RARB: variants seen among roughly 807,000 people sequenced by gnomAD.
RARB encodes HBV-activated protein.
RARB carries 17 observed loss-of-function variants against 51.9 expected under a neutral mutation model. That is an observed-to-expected ratio of 0.33 (90% CI 0.22 to 0.49). The LOEUF is 0.49. Among genes scored for constraint, RARB ranks in the 20% least tolerant of loss-of-function variants. The pLI, the probability that RARB is intolerant of heterozygous loss-of-function variation, is 0.99. For synonymous variants in RARB, 215 were observed against 195.4 expected (o/e 1.10, Z -0.84); for missense variants, 369 against 550.8 (o/e 0.67, Z 3.30).
intron 2 of RARB, among the ~76,000 whole-genome samples, chr3:24,955,049 G>A (rs2125407899): frequency 1.3e-5 from 2 of 152,278 alleles, no homozygotes; most frequent in African/African-American, 4.8e-5. Flanking sequence ...TGCCCTCTTG[G>A]TACCCAGGTT....
At chr3:25,013,517 C>T (rs939357557) in intron 2 of RARB, among the ~76,000 whole-genome samples, 1 of 152,084 alleles carries the variant, frequency 6.6e-6, no homozygotes, top group African/African-American at 2.4e-5. Context: ...TGAAGACTGA[C>T]CCTCATGCTT....
At chr3:25,032,227 A>C (rs998090250) in intron 2 of RARB, among the ~76,000 whole-genome samples, 3 of 152,232 alleles carry the variant, frequency 2.0e-5, no homozygotes, top group African/African-American at 7.2e-5. Context: ...ATCCGCAATC[A>C]GTGAGCTGTC....
At position 25,330,117 on chromosome 3, in the gene RARB, C is replaced by T. The variant is rs187322566; in HGVS notation, c.179-131076C>T. ...CAGGATATTAATGAGAAGAGCTTCC[C>T]CAAGCCAGCAAGACAGGCCAACATT... is the stretch of plus-strand genomic sequence containing the variant. On this transcript the variant is annotated intron_variant, in intron 5 of 11. Transcript: ENST00000383772. 2.2e-3 allele frequency among the ~76,000 whole-genome samples: 329 copies of T among 152,126 alleles called. 1 individual carries two copies. The Middle Eastern group carries it at 0.034, about 16-fold the overall frequency.
intron 3 of RARB, among the ~76,000 whole-genome samples, chr3:25,073,338 A>G (rs1698808531): frequency 6.6e-6 from 1 of 152,200 alleles, no homozygotes; most frequent in Non-Finnish European, 1.5e-5. Context: ...TGATCCCTCA[A>G]TTTTAAAACA....
At chr3:25,135,197 T>C (rs1332770803) in intron 4 of RARB, among the ~76,000 whole-genome samples, 1 of 151,916 alleles carries the variant, frequency 6.6e-6, no homozygotes, top group African/African-American at 2.4e-5. Context: ...GGTGTGGCTA[T>C]TGAGCGCTCA....
chr3:25,596,845 A>G lies in RARB; in HGVS notation c.*229A>G. 2.6e-6 allele frequency: 1 copy of G among 385,670 alleles called. No homozygotes were observed. Among genetic ancestry groups the G allele is most frequent in the Non-Finnish European group, 4.6e-6 (1 of 215,778 alleles). 23.9% of individuals were successfully genotyped at this position (385,670 alleles called of 1,614,324 possible). ...AAAATCAGCCATTTCATGCAACCAGAAACTAGTTAAAAGCTTCTATTTTCC... is the reference window on the plus strand; with the variant it reads ...AAAATCAGCCATTTCATGCAACCAGGAACTAGTTAAAAGCTTCTATTTTCC... On this transcript the variant is annotated 3_prime_UTR_variant, in exon 8 of 8. Transcript: ENST00000330688.
chr3:25,397,406 G>A (rs891096122), intron 5 of RARB, among the ~76,000 whole-genome samples: 4 of 152,180 alleles, frequency 2.6e-5, no homozygotes, highest in African/African-American at 9.7e-5. Context: ...AGAGTTTACA[G>A]TGGCAAGCCA....
intron 3 of RARB, among the ~76,000 whole-genome samples, chr3:25,126,307 C>G (rs1699858532): frequency 6.6e-6 from 1 of 152,044 alleles, no homozygotes. Context: ...TTTCCATTCT[C>G]TTGTGTGCAA....
chr3:25,560,231 G>A (rs1041828411), intron 3 of RARB, among the ~76,000 whole-genome samples: 1 of 152,122 alleles, frequency 6.6e-6, no homozygotes, highest in African/African-American at 2.4e-5. Flanking sequence ...ATATAGACTG[G>A]CGTAAACCAT....
intron 2 of RARB, among the ~76,000 whole-genome samples, chr3:24,933,758 A>C (rs930998840): frequency 3.3e-5 from 5 of 152,138 alleles, no homozygotes; most frequent in African/African-American, 1.2e-4. Context: ...ATATCAACAA[A>C]TAGACTTTTT....
intron 5 of RARB, among the ~76,000 whole-genome samples, chr3:25,590,575 C>T (rs1170726660): frequency 6.6e-6 from 1 of 152,130 alleles, no homozygotes; most frequent in Non-Finnish European, 1.5e-5. Flanking sequence ...GGCTGAAGTG[C>T]AGTGGCGTGA....
At chr3:25,539,738 C>A (rs1190317049) in intron 3 of RARB, among the ~76,000 whole-genome samples, 1 of 151,968 alleles carries the variant, frequency 6.6e-6, no homozygotes, top group Non-Finnish European at 1.5e-5. Flanking sequence ...TCATCTTCCT[C>A]GATCCATACA....
intron 2 of RARB, among the ~76,000 whole-genome samples, chr3:25,482,662 C>G (rs548603907): frequency 2.0e-5 from 3 of 150,338 alleles, no homozygotes; most frequent in Non-Finnish European, 3.0e-5. Flanking sequence ...ACCTCAGCCT[C>G]CCGAGTAGCT....
chr3:25,383,934 A>C (rs1706711060), intron 5 of RARB, among the ~76,000 whole-genome samples: 1 of 152,000 alleles, frequency 6.6e-6, no homozygotes, highest in Admixed American at 6.6e-5. Flanking sequence ...TTGTCTCAAA[A>C]AAAAAAAAAA....
At chr3:25,112,691 T>A (rs1478757323) in intron 3 of RARB, among the ~76,000 whole-genome samples, 9 of 152,056 alleles carry the variant, frequency 5.9e-5, no homozygotes, top group Non-Finnish European at 1.0e-4. Context: ...GGTAGGAGAA[T>A]CACTTGAGTC....
chr3:25,151,655 G>C (rs1700288997), intron 4 of RARB, among the ~76,000 whole-genome samples: 1 of 152,190 alleles, frequency 6.6e-6, no homozygotes, highest in African/African-American at 2.4e-5. Context: ...AGATACTACA[G>C]ATGTGCCAGT....
intron 5 of RARB, among the ~76,000 whole-genome samples, chr3:25,203,167 A>T (rs1369218449): frequency 2.0e-5 from 3 of 152,102 alleles, no homozygotes; most frequent in Admixed American, 6.6e-5. Context: ...TGTTGAATTG[A>T]TCCCTTACCA....
chr3:24,893,034 T>A (rs1156507815), intron 2 of RARB, among the ~76,000 whole-genome samples: 2 of 152,234 alleles, frequency 1.3e-5, no homozygotes, highest in Non-Finnish European at 2.9e-5. Flanking sequence ...ACCAGACATG[T>A]ATAATACTAG....
chr3:25,184,696 A>C (rs892528780), intron 5 of RARB, among the ~76,000 whole-genome samples: 2 of 152,126 alleles, frequency 1.3e-5, no homozygotes, highest in Non-Finnish European at 2.9e-5. Context: ...AATTTACATC[A>C]ATTGATACAT....
Sources: allele counts gnomAD v4.1 joint callset (sites outside exome capture counted in the v4.1 genomes callset), GRCh38; gene constraint gnomAD v4.1.1; transcripts MANE v1.5; gene names NCBI Gene and HGNC (gene_info 2026-07-23, HGNC 2026-07-21).